Variants in KANSL1 observed in about 807,000 individuals in gnomAD.
KANSL1 encodes the protein MLL1/MLL complex subunit KANSL1.
KANSL1 carries 22 observed loss-of-function variants against 103.6 expected under a neutral mutation model. The ratio of observed to expected loss-of-function variants is 0.21; its 90% CI spans 0.15 to 0.30. The LOEUF (loss-of-function observed/expected upper bound fraction) is 0.30, where lower values mean the gene tolerates loss of function less well. KANSL1 is among the 10% of genes least tolerant of loss of function. The pLI, the probability that KANSL1 is intolerant of heterozygous loss-of-function variation, is 1.00. For synonymous variants in KANSL1, 600 were observed against 527.6 expected (o/e 1.14, Z -1.88); for missense variants, 1,337 against 1,399.8 (o/e 0.96, Z 0.72).
rs1480307304 is a variant in KANSL1 at position 46,094,666 on chromosome 17, C to T, written c.1325G>A (p.Arg442Gln). ...RRSEWKWAAD[R>Q]AAIVSRWNWL... is the part of the protein sequence containing the mutation. Reference sequence around the variant, plus strand: ...GTTCCAGCGGCTGACAATAGCTGCCCGGTCTGCAGCCCATTTCCATTCTGA... The same window carrying T: ...GTTCCAGCGGCTGACAATAGCTGCCTGGTCTGCAGCCCATTTCCATTCTGA... Residue 442 changes from arginine to glutamine, a missense_variant, in exon 3 of 15, where the codon CGG becomes CAG. Arg to Gln is a conservative substitution (Grantham distance 43). Transcript: ENST00000432791. The T allele has an allele frequency of 2.5e-6, 4 of 1,614,134 alleles. No homozygotes were observed. Among genetic ancestry groups the T allele is most frequent in the African/African-American group, 1.3e-5 (1 of 75,014 alleles).
chr17:46,082,968 T>G (rs1266505763), intron 3 of KANSL1, among the ~76,000 whole-genome samples: 1 of 152,172 alleles, frequency 6.6e-6, no homozygotes, highest in Non-Finnish European at 1.5e-5. Context: ...CAACTATACC[T>G]GCACAAACAA....
intron 1 of KANSL1, among the ~76,000 whole-genome samples, chr17:46,218,639 C>T (rs1391522922): frequency 2.6e-5 from 4 of 151,800 alleles, no homozygotes; most frequent in African/African-American, 7.3e-5. Context: ...AAAAATAAGC[C>T]GGGCATGCTG....
Position 46,047,087 on chromosome 17 carries a change from C to T in KANSL1, c.2020+3446G>A, listed in dbSNP as rs9907760. ...ACCAGCTCCTGACTATCCATGTGTT[C>T]CAGGTTTTCTGTTTCCTTTCTCTTA... On this transcript the variant is annotated intron_variant, in intron 7 of 14. Coordinates refer to ENST00000432791, the MANE Select transcript of KANSL1 (RefSeq NM_015443.4). 7.1e-3 allele frequency among the ~76,000 whole-genome samples: 1,081 copies of T among 152,242 alleles called. 16 individuals carry two copies. The highest frequency in any genetic ancestry group is 0.025 in the African/African-American group (1,033 of 41,540).
chr17:46,089,268 T>C (rs1461712257), intron 3 of KANSL1, among the ~76,000 whole-genome samples: 2 of 152,158 alleles, frequency 1.3e-5, no homozygotes, highest in Non-Finnish European at 2.9e-5. Context: ...GTTATATTCT[T>C]TCTCCAGAGA....
intron 2 of KANSL1, among the ~76,000 whole-genome samples, chr17:46,107,516 G>A (rs562728499): frequency 6.6e-6 from 1 of 152,224 alleles, no homozygotes; most frequent in South Asian, 2.1e-4. Context: ...TACTAACCTG[G>A]CTTTTCTATT....
At chr17:46,031,988 C>A in intron 14 of KANSL1, 59 bp downstream of exon 14, 2 of 1,610,142 alleles carry the variant, frequency 1.2e-6, no homozygotes, top group Middle Eastern at 2.0e-4. Context: ...GCAGATGCTG[C>A]CCCTTCCTGG....
At chr17:46,134,155 T>G (rs1181973879) in intron 2 of KANSL1, among the ~76,000 whole-genome samples, 3 of 152,146 alleles carry the variant, frequency 2.0e-5, no homozygotes, top group African/African-American at 4.8e-5. Flanking sequence ...CCCAGCACTT[T>G]GGGAGGCTGA....
At chr17:46,155,960 T>C (rs757110896) in intron 2 of KANSL1, among the ~76,000 whole-genome samples, 7 of 152,072 alleles carry the variant, frequency 4.6e-5, no homozygotes, top group Non-Finnish European at 1.0e-4. Flanking sequence ...CTAAGAACAA[T>C]CCTTTCTTGT....
chr17:46,083,714 A>G (rs2079061072), intron 3 of KANSL1, among the ~76,000 whole-genome samples: 1 of 147,394 alleles, frequency 6.8e-6, no homozygotes, highest in Non-Finnish European at 1.5e-5. Context: ...ATATTCTACT[A>G]TTCTTTAAAA....
chr17:46,136,357 C>T (rs2044143048), intron 2 of KANSL1, among the ~76,000 whole-genome samples: 1 of 152,314 alleles, frequency 6.6e-6, no homozygotes, highest in Admixed American at 6.5e-5. Flanking sequence ...GATTAGGTTT[C>T]ATTTTACATA....
intron 4 of KANSL1, 131 bp downstream of exon 4, chr17:46,082,308 CAA>C: frequency 1.7e-6 from 1 of 575,372 alleles, no homozygotes. Flanking sequence ...CTTAAAACAC[CAA>C]AAGTGATAAA....
intron 3 of KANSL1, among the ~76,000 whole-genome samples, chr17:46,084,246 G>A (rs547485353): frequency 3.9e-5 from 6 of 152,062 alleles, no homozygotes; most frequent in East Asian, 1.9e-4. Flanking sequence ...CCCAGGCGTC[G>A]TGGCACATGC....
chr17:46,182,306 C>T (rs1287037004), intron 1 of KANSL1, among the ~76,000 whole-genome samples: 3 of 152,174 alleles, frequency 2.0e-5, no homozygotes, highest in African/African-American at 7.2e-5. Context: ...AAACAACTTG[C>T]ATGAATCAGG....
At position 46,032,148 on chromosome 17, in the gene KANSL1, G is replaced by C; in HGVS notation, c.2989C>G (p.Leu997Val). The change falls in exon 14 of 15, where the codon CTG (leucine) becomes GTG (valine). Residue 997 changes from leucine to valine, a missense_variant. Physicochemically the swap from Leu to Val is conservative, Grantham distance 32 (BLOSUM62 1). Coordinates refer to ENST00000432791, the MANE Select transcript of KANSL1 (RefSeq NM_015443.4). Reference protein sequence around the residue: ...QSPRSPISPELHSAPLTPVAR... With the variant: ...QSPRSPISPEVHSAPLTPVAR... Reference sequence around the variant, plus strand: ...ACAGGGGTGAGGGGTGCTGAGTGCAGTTCCGGGCTAATGGGGCTCCTAGGG... The same window carrying C: ...ACAGGGGTGAGGGGTGCTGAGTGCACTTCCGGGCTAATGGGGCTCCTAGGG... 1 of 1,614,098 alleles carries C rather than the reference G, an allele frequency of 6.2e-7. No individual in the cohort carries two copies.
chr17:46,171,501 G>C lies in KANSL1; in HGVS notation c.643C>G (p.Leu215Val). 6.2e-7 allele frequency: 1 copy of C among 1,614,054 alleles called. No homozygotes were observed. The highest frequency in any genetic ancestry group is 8.5e-7 in the Non-Finnish European group (1 of 1,180,008). The change falls in exon 2 of 15, where the codon CTT (leucine) becomes GTT (valine). Residue 215 changes from leucine to valine, a missense_variant. Around this residue, in one of 2 missense-constraint regions of KANSL1, gnomAD observed 557 missense variants for 476.4 expected, o/e 1.17. Transcript: ENST00000432791. ...TACAAAGTTGTGTGTTCTACATCAA[G>C]GCTTCTATGTGGAAGAGTGCAATTG... ...MTNCTLPHRS[L>V]DVEHTTLYSN...
At chr17:46,096,311 C>CTTTTTTTTTTCTTTTTTTTT (rs2042070295) in intron 2 of KANSL1, among the ~76,000 whole-genome samples, 11 of 76,410 alleles carry the variant, frequency 1.4e-4, no homozygotes, top group African/African-American at 3.4e-4. Flanking sequence ...GCTTTTTTTT[C>CTTTTTTTTTTCTTTTTTTTT]TTTTTTTTTT....
At chr17:46,098,746 G>A (rs1447880052) in intron 2 of KANSL1, among the ~76,000 whole-genome samples, 1 of 152,242 alleles carries the variant, frequency 6.6e-6, no homozygotes, top group South Asian at 2.1e-4. Context: ...AGAACTCGAA[G>A]TGATTTCCAG....
chr17:46,202,087 A>G (rs966397332), intron 1 of KANSL1, among the ~76,000 whole-genome samples: 1 of 152,054 alleles, frequency 6.6e-6, no homozygotes, highest in Non-Finnish European at 1.5e-5. Context: ...CTGAGGCAGG[A>G]GAATGACTTG....
intron 2 of KANSL1, among the ~76,000 whole-genome samples, chr17:46,111,111 T>G (rs17577159): frequency 0.14 from 21,675 of 152,038 alleles, 2,126 homozygotes; most frequent in Non-Finnish European, 0.22. Context: ...CTGATGCATT[T>G]CTTAAGCGGT....
Sources: allele counts gnomAD v4.1 joint callset (sites outside exome capture counted in the v4.1 genomes callset), GRCh38; gene constraint gnomAD v4.1.1; regional missense constraint gnomAD v4.1.1; transcripts MANE v1.5; gene names NCBI Gene and HGNC (gene_info 2026-07-23, HGNC 2026-07-21).